DIAPH3: variants seen among roughly 807,000 people sequenced by gnomAD.
DIAPH3 encodes diaphanous related formin 3.
In DIAPH3, 117 loss-of-function variants were observed where a neutral mutation model predicts 144.3. The ratio of observed to expected loss-of-function variants is 0.81; its 90% CI spans 0.70 to 0.95. The LOEUF is 0.95. Ranked by LOEUF, DIAPH3 falls within the 40% of genes least tolerant of loss-of-function variation. DIAPH3 has a pLI of 0.00. For synonymous variants in DIAPH3, 519 were observed against 488.9 expected (o/e 1.06, Z -0.81); for missense variants, 1,421 against 1,412.7 (o/e 1.01, Z -0.09).
intron 20 of DIAPH3, among the ~76,000 whole-genome samples, chr13:59,887,542 A>C (rs2045531594): frequency 6.6e-6 from 1 of 152,092 alleles, no homozygotes; most frequent in South Asian, 2.1e-4. Context: ...GTTGTTGTCT[A>C]ACTTAATTCT....
intron 27 of DIAPH3, among the ~76,000 whole-genome samples, chr13:59,715,047 T>C (rs1213288501): frequency 6.6e-6 from 1 of 152,158 alleles, no homozygotes. Flanking sequence ...ATTGAGATGC[T>C]TATTATAAGC....
At chr13:59,998,494 A>G (rs1233271806) in intron 9 of DIAPH3, among the ~76,000 whole-genome samples, 4 of 152,110 alleles carry the variant, frequency 2.6e-5, no homozygotes, top group African/African-American at 9.7e-5. Flanking sequence ...TTAATTATGA[A>G]ACTTTTTAGT....
At position 59,792,363 on chromosome 13, in the gene DIAPH3, C is replaced by T. The variant is rs150556729; in HGVS notation, c.3164-17540G>A. On this transcript the variant is annotated intron_variant, in intron 25 of 27. Coordinates refer to ENST00000400324, the MANE Select transcript of DIAPH3 (RefSeq NM_001042517.2). ...CCTCTGGGTCACTGTCATCTAATCA[C>T]GCACAAGTCTACCCTCTCATTCAGA... 2.3e-3 allele frequency among the ~76,000 whole-genome samples: 353 copies of T among 152,286 alleles called. 1 individual carries two copies. Among genetic ancestry groups the T allele is most frequent in the Admixed American group, 3.8e-3 (58 of 15,304 alleles).
At chr13:59,678,454 T>C (rs76392122) in intron 27 of DIAPH3, among the ~76,000 whole-genome samples, 6,691 of 152,218 alleles carry the variant, frequency 0.044, 229 homozygotes, top group South Asian at 0.1. Context: ...ATTTACAGGT[T>C]TACAGACAAG....
intron 1 of DIAPH3, among the ~76,000 whole-genome samples, chr13:60,154,622 C>T (rs1296804955): frequency 6.6e-6 from 1 of 152,098 alleles, no homozygotes; most frequent in Non-Finnish European, 1.5e-5. Flanking sequence ...AAAGACTATT[C>T]AATTTGCTAT....
intron 2 of DIAPH3, among the ~76,000 whole-genome samples, chr13:60,124,087 C>G (rs2058920162): frequency 6.6e-6 from 1 of 152,198 alleles, no homozygotes; most frequent in Non-Finnish European, 1.5e-5. Flanking sequence ...CCGCATTCAT[C>G]TTTGAGTGAA....
intron 3 of DIAPH3, among the ~76,000 whole-genome samples, chr13:60,095,599 A>C (rs1341772181): frequency 6.8e-6 from 1 of 147,262 alleles, no homozygotes; most frequent in Non-Finnish European, 1.5e-5. Flanking sequence ...TTTGCCAGTT[A>C]TTGCTGTTTT....
chr13:59,871,558 T>G (rs1472070667), intron 21 of DIAPH3, among the ~76,000 whole-genome samples: 1 of 152,210 alleles, frequency 6.6e-6, no homozygotes, highest in Non-Finnish European at 1.5e-5. Context: ...GTTTTCTTCT[T>G]TAGCTCATTG....
chr13:59,727,676 A>G (rs2035672836), intron 27 of DIAPH3, among the ~76,000 whole-genome samples: 1 of 152,206 alleles, frequency 6.6e-6, no homozygotes, highest in Admixed American at 6.5e-5. Flanking sequence ...CTATATAAGC[A>G]TTGGCTCTTA....
chr13:59,794,692 C>T (rs938920974), intron 25 of DIAPH3, among the ~76,000 whole-genome samples: 3 of 151,898 alleles, frequency 2.0e-5, no homozygotes, highest in Non-Finnish European at 2.9e-5. Flanking sequence ...TTATTTTTAT[C>T]GAGGCAGGGT....
chr13:59,844,239 C>G (rs1461887137), intron 22 of DIAPH3, among the ~76,000 whole-genome samples: 22 of 151,808 alleles, frequency 1.4e-4, no homozygotes, highest in Admixed American at 1.4e-3. Context: ...TCTTTGAGGT[C>G]AGGAACTATA....
In DIAPH3 at chr13:60,006,317, T is replaced by C. The variant is rs895684472; in HGVS notation, c.1014+2227A>G. On this transcript the variant is annotated intron_variant, in intron 9 of 27. Transcript: ENST00000400324. ...GCTTTGTCTTTAACAAGCCATTATT[T>C]ATCTCTTCCCTTACAGTTTAAAACC... Among the ~76,000 whole-genome samples, 10 of 152,330 alleles carry C rather than the reference T, an allele frequency of 6.6e-5. 1 individual carries two copies. Among genetic ancestry groups the C allele is most frequent in the Admixed American group, 5.9e-4 (9 of 15,306 alleles).
At chr13:60,112,945 A>C (rs1278807789) in intron 2 of DIAPH3, among the ~76,000 whole-genome samples, 1 of 152,202 alleles carries the variant, frequency 6.6e-6, no homozygotes, top group African/African-American at 2.4e-5. Flanking sequence ...CCAGACTCAT[A>C]CATTTCATGA....
chr13:59,981,188 G>A (rs2050988826), intron 13 of DIAPH3, among the ~76,000 whole-genome samples: 1 of 150,614 alleles, frequency 6.6e-6, no homozygotes, highest in African/African-American at 2.4e-5. Context: ...CTATAAACAA[G>A]CTTAAAAAAA....
At chr13:59,848,469 C>A (rs2042791455) in intron 22 of DIAPH3, among the ~76,000 whole-genome samples, 2 of 150,738 alleles carry the variant, frequency 1.3e-5, no homozygotes, top group African/African-American at 4.9e-5. Flanking sequence ...CTCCCCGCTC[C>A]CCCCACCCCA....
At chr13:59,733,613 A>G (rs554785986) in intron 27 of DIAPH3, among the ~76,000 whole-genome samples, 1 of 152,340 alleles carries the variant, frequency 6.6e-6, no homozygotes, top group South Asian at 2.1e-4. Flanking sequence ...CTTCTGTACC[A>G]CCAGTGCCAT....
chr13:60,002,626 T>C (rs1745066914), intron 9 of DIAPH3, among the ~76,000 whole-genome samples: 1 of 152,182 alleles, frequency 6.6e-6, no homozygotes, highest in Non-Finnish European at 1.5e-5. Flanking sequence ...ACCATTCATG[T>C]TCCTGACCCT....
chr13:60,002,110 T>C (rs767192340), intron 9 of DIAPH3, among the ~76,000 whole-genome samples: 1 of 151,440 alleles, frequency 6.6e-6, no homozygotes, highest in Admixed American at 6.5e-5. Flanking sequence ...AGTGGAAAGA[T>C]GAATCAAAAA....
At chr13:59,910,923 T>C (rs1284304652) in intron 20 of DIAPH3, among the ~76,000 whole-genome samples, 2 of 151,112 alleles carry the variant, frequency 1.3e-5, no homozygotes. Flanking sequence ...CATGCCAAAA[T>C]ATGAGGTGCA....
Sources: gnomAD v4.1 joint callset for allele counts (sites outside exome capture counted in the v4.1 genomes callset) on GRCh38, gnomAD v4.1.1 for gene constraint, MANE v1.5 for transcripts, NCBI Gene and HGNC (gene_info 2026-07-23, HGNC 2026-07-21) for gene names.